The following PTPRD variants were observed in gnomAD, a reference collection of about 807,000 sequenced individuals.
PTPRD encodes the protein protein tyrosine phosphatase receptor type D, also known as receptor-type tyrosine-protein phosphatase delta.
PTPRD carries 34 observed loss-of-function variants against 214.5 expected under a neutral mutation model. The ratio of observed to expected loss-of-function variants is 0.16; its 90% CI spans 0.12 to 0.21. The LOEUF (loss-of-function observed/expected upper bound fraction) is 0.21. PTPRD is among the 10% of genes least tolerant of loss of function. The pLI is 1.00. For synonymous variants in PTPRD, 1,128 were observed against 845.7 expected (o/e 1.33, Z -5.79); for missense variants, 2,545 against 2,398.7 (o/e 1.06, Z -1.27).
At chr9:8,414,209 T>TTA (rs1232028439) in intron 35 of PTPRD, among the ~76,000 whole-genome samples, 2 of 152,038 alleles carry the variant, frequency 1.3e-5, no homozygotes, top group Non-Finnish European at 2.9e-5. Flanking sequence ...AAAAAAAAAT[T>TTA]TAAATAAACA....
chr9:10,391,343 G>C (rs1586983725), intron 2 of PTPRD, among the ~76,000 whole-genome samples: 2 of 151,648 alleles, frequency 1.3e-5, no homozygotes, highest in Admixed American at 6.6e-5. Flanking sequence ...TTTTTGTCTT[G>C]ATCCATCATA....
chr9:9,804,201 G>C (rs138223973), intron 5 of PTPRD, among the ~76,000 whole-genome samples: 288 of 152,042 alleles, frequency 1.9e-3, no homozygotes, highest in African/African-American at 6.7e-3. Flanking sequence ...CAGTCACATA[G>C]GGCTCTTTTA....
intron 12 of PTPRD, among the ~76,000 whole-genome samples, chr9:8,714,514 T>A (rs781529902): frequency 6.6e-6 from 1 of 152,198 alleles, no homozygotes; most frequent in Non-Finnish European, 1.5e-5. Context: ...CGCAGTAGAA[T>A]ACCTCCCCAT....
chr9:9,992,099 G>A (rs1336245176), intron 4 of PTPRD, among the ~76,000 whole-genome samples: 2 of 152,178 alleles, frequency 1.3e-5, no homozygotes, highest in Admixed American at 1.3e-4. Flanking sequence ...GCTGTGGGCG[G>A]TAGAATGGAC....
rs975677028 is a variant in PTPRD at position 10,374,857 on chromosome 9, C to T, written c.-599-33840G>A. 2.6e-5 allele frequency among the ~76,000 whole-genome samples: 4 copies of T among 152,122 alleles called. No homozygotes were observed. In the East Asian group the frequency reaches 7.7e-4, roughly 29 times the overall value. On this transcript the variant is annotated intron_variant, in intron 2 of 45. Transcript: ENST00000381196. ...AGTACTGATGTAATTTGTGACCTCT[C>T]ACTAAACAGTCATTAAAAATTTCAA... is the stretch of plus-strand genomic sequence containing the variant.
At chr9:8,362,801 C>T (rs1313649422) in intron 39 of PTPRD, among the ~76,000 whole-genome samples, 1 of 152,184 alleles carries the variant, frequency 6.6e-6, no homozygotes, top group Non-Finnish European at 1.5e-5. Flanking sequence ...TAACTTCAGT[C>T]AAGTGAGTGA....
chr9:10,225,533 T>C (rs1885431), intron 3 of PTPRD, among the ~76,000 whole-genome samples: 75,757 of 151,880 alleles, frequency 0.5, 20,874 homozygotes, highest in Non-Finnish European at 0.61. Flanking sequence ...CAATGGATCA[T>C]GAGAAAATGA....
chr9:9,389,885 G>C (rs1438279970), intron 9 of PTPRD, among the ~76,000 whole-genome samples: 1 of 152,148 alleles, frequency 6.6e-6, no homozygotes, highest in Non-Finnish European at 1.5e-5. Flanking sequence ...GGCTTCCCTA[G>C]TTTCTATAGA....
At chr9:10,240,373 T>C (rs1325308914) in intron 3 of PTPRD, among the ~76,000 whole-genome samples, 1 of 151,790 alleles carries the variant, frequency 6.6e-6, no homozygotes, top group African/African-American at 2.4e-5. Flanking sequence ...AAAGGGAACT[T>C]CCCTTTTTCA....
At chr9:10,467,658 A>C (rs2099003621) in intron 2 of PTPRD, among the ~76,000 whole-genome samples, 1 of 138,612 alleles carries the variant, frequency 7.2e-6, no homozygotes, top group Non-Finnish European at 1.5e-5. Context: ...ATACATTCCA[A>C]AAAAATGGAT....
chr9:9,395,773 A>C (rs1451542564), intron 9 of PTPRD, among the ~76,000 whole-genome samples: 1 of 152,024 alleles, frequency 6.6e-6, no homozygotes, highest in Non-Finnish European at 1.5e-5. Flanking sequence ...TGTGGTACGA[A>C]ACCAAAAGCA....
chr9:10,540,723 A>C (rs2058919941), intron 2 of PTPRD, among the ~76,000 whole-genome samples: 2 of 152,074 alleles, frequency 1.3e-5, no homozygotes, highest in Non-Finnish European at 2.9e-5. Flanking sequence ...TTGTTTCTTT[A>C]TTTGTTTAAG....
In PTPRD at chr9:9,982,625, T is replaced by C. The variant is rs536569518; in HGVS notation, c.-471-44015A>G. Among the ~76,000 whole-genome samples, 6 of 152,176 alleles carry C rather than the reference T, an allele frequency of 3.9e-5. No individual in the cohort carries two copies. The South Asian group carries it at 1.2e-3, about 32-fold the overall frequency. On this transcript the variant is annotated intron_variant, in intron 4 of 45. Transcript: ENST00000381196. The stretch of plus-strand genomic sequence containing the variant: ...TCAGGATAAGAATCAACACTTCCAG[T>C]TGCATTGTGTATTATTAGAGGTTAT...
chr9:9,746,175 G>C (rs975018328), intron 6 of PTPRD, among the ~76,000 whole-genome samples: 2 of 151,992 alleles, frequency 1.3e-5, no homozygotes, highest in Non-Finnish European at 2.9e-5. Context: ...AGAAGAAAAA[G>C]ATTATTCTTA....
chr9:9,685,348 A>C (rs1049089305), intron 7 of PTPRD, among the ~76,000 whole-genome samples: 9 of 151,190 alleles, frequency 6.0e-5, no homozygotes, highest in African/African-American at 2.2e-4. Context: ...TATACACTTA[A>C]ACATGTACTT....
chr9:8,343,399 T>C (rs1854392242), intron 39 of PTPRD, among the ~76,000 whole-genome samples: 2 of 151,898 alleles, frequency 1.3e-5, no homozygotes, highest in African/African-American at 4.8e-5. Flanking sequence ...GCAAAAGCCT[T>C]CTGAGACAGA....
intron 10 of PTPRD, among the ~76,000 whole-genome samples, chr9:9,026,891 C>T (rs1261123029): frequency 6.6e-6 from 1 of 151,780 alleles, no homozygotes; most frequent in Non-Finnish European, 1.5e-5. Context: ...CCTTATCAGC[C>T]AAAGAAAGCA....
chr9:9,608,217 T>G lies in PTPRD; in HGVS notation c.-286-33436A>C, dbSNP rs1035485085. Among the ~76,000 whole-genome samples the G allele has an allele frequency of 1.8e-4, 28 of 152,192 alleles. 1 individual carries two copies. Among genetic ancestry groups the G allele is most frequent in the African/African-American group, 6.5e-4 (27 of 41,452 alleles). On this transcript the variant is annotated intron_variant, in intron 7 of 45. Coordinates refer to ENST00000381196, the MANE Select transcript of PTPRD (RefSeq NM_002839.4). ...CACAATATAATTCCTGACATGGTGC[T>G]TTCAAGAGTCAGTTACTACTACTGT...
chr9:8,990,501 C>T (rs2154347113), intron 11 of PTPRD, among the ~76,000 whole-genome samples: 1 of 152,228 alleles, frequency 6.6e-6, no homozygotes, highest in African/African-American at 2.4e-5. Context: ...GCCTCAGAAG[C>T]TCTTTCTCTC....
Sources: gnomAD v4.1 joint callset for allele counts (sites outside exome capture counted in the v4.1 genomes callset) on GRCh38, gnomAD v4.1.1 for gene constraint, MANE v1.5 for transcripts, NCBI Gene and HGNC (gene_info 2026-07-23, HGNC 2026-07-21) for gene names.